Variants in SOX5 observed in about 807,000 individuals in gnomAD.
The protein encoded by SOX5 is transcription factor SOX-5.
Under a neutral mutation model 92.0 loss-of-function variants are expected in SOX5, and 9 were observed. The observed-to-expected ratio is 0.10, with a 90% confidence interval of 0.06 to 0.17. The LOEUF (loss-of-function observed/expected upper bound fraction) is 0.17, where lower values mean the gene tolerates loss of function less well. Among genes scored for constraint, SOX5 ranks in the 10% least tolerant of loss-of-function variants. SOX5 has a pLI of 1.00. For missense variants in SOX5, 642 were observed against 944.5 expected (o/e 0.68, Z 4.20); for synonymous variants, 344 against 336.3 (o/e 1.02, Z -0.25).
intron 11 of SOX5, among the ~76,000 whole-genome samples, chr12:23,559,777 T>C (rs1306428871): frequency 6.6e-6 from 1 of 152,192 alleles, no homozygotes; most frequent in African/African-American, 2.4e-5. Context: ...ATATCTTTTA[T>C]GTTGATGTAA....
chr12:23,665,486 C>G lies in SOX5; in HGVS notation c.889G>C (p.Gly297Arg). 1 of 1,613,590 alleles carries G rather than the reference C, an allele frequency of 6.2e-7. No homozygotes were observed. Among genetic ancestry groups the G allele is most frequent in the Non-Finnish European group, 8.5e-7 (1 of 1,179,644 alleles). The part of the protein sequence containing the change: ...QRTLAAAAQQ[G>R]FLLPPGFSYK... ...CTGAAGCCTGGAGGGAGGAGGAATCCTTGCTGGGCAGCTGCAGCCAGTGTC... is the reference window on the plus strand; with the variant it reads ...CTGAAGCCTGGAGGGAGGAGGAATCGTTGCTGGGCAGCTGCAGCCAGTGTC... Residue 297 changes from glycine to arginine, a missense_variant, in exon 7 of 15, where the codon GGA (glycine) becomes CGA (arginine). Transcript: ENST00000451604.
At chr12:24,186,375 C>T (rs1956016177) in intron 4 of SOX5, among the ~76,000 whole-genome samples, 1 of 152,110 alleles carries the variant, frequency 6.6e-6, no homozygotes, top group Non-Finnish European at 1.5e-5. Flanking sequence ...TTTACACAAG[C>T]CACAATCTTA....
At chr12:24,142,786 G>A (rs113219490) in intron 4 of SOX5, among the ~76,000 whole-genome samples, 1,638 of 151,202 alleles carry the variant, frequency 0.011, 41 homozygotes, top group African/African-American at 0.038. Flanking sequence ...GCTGGTAAAC[G>A]CCACCTTAGT....
intron 7 of SOX5, among the ~76,000 whole-genome samples, chr12:23,658,036 T>A (rs186205388): frequency 6.6e-6 from 1 of 152,314 alleles, no homozygotes; most frequent in East Asian, 1.9e-4. Context: ...GGTGGCAGTG[T>A]GCATATGTTG....
intron 4 of SOX5, chr12:24,212,636 G>A (rs992928665): frequency 8.3e-6 from 3 of 360,696 alleles, no homozygotes; most frequent in African/African-American, 2.2e-5. Context: ...TGAACACACA[G>A]CCATTAGCCA....
chr12:24,092,062 G>C (rs1182347018), intron 4 of SOX5, among the ~76,000 whole-genome samples: 2 of 152,250 alleles, frequency 1.3e-5, no homozygotes, highest in African/African-American at 4.8e-5. Flanking sequence ...CTTTCTCACA[G>C]TGAGCCAAAT....
At chr12:24,015,783 AAGG>A (rs1240932601) in intron 4 of SOX5, among the ~76,000 whole-genome samples, 3 of 152,166 alleles carry the variant, frequency 2.0e-5, no homozygotes, top group Non-Finnish European at 4.4e-5. Flanking sequence ...GGGCGCCCAA[AAGG>A]AGGACAGCTA....
intron 4 of SOX5, among the ~76,000 whole-genome samples, chr12:24,046,447 G>T (rs1018904241): frequency 2.6e-5 from 4 of 152,130 alleles, no homozygotes; most frequent in Non-Finnish European, 2.9e-5. Context: ...TTATCTGGCA[G>T]AAGAATTTAC....
At chr12:23,598,121 A>C (rs912943599) in intron 9 of SOX5, among the ~76,000 whole-genome samples, 4 of 152,184 alleles carry the variant, frequency 2.6e-5, no homozygotes, top group African/African-American at 9.6e-5. Context: ...GTAGTAAGCC[A>C]TGATTTGAGA....
intron 1 of SOX5, among the ~76,000 whole-genome samples, chr12:23,947,817 T>C (rs895303026): frequency 6.6e-6 from 1 of 151,440 alleles, no homozygotes; most frequent in African/African-American, 2.4e-5. Context: ...AAAATACAAA[T>C]AAAGTTCACA....
intron 4 of SOX5, among the ~76,000 whole-genome samples, chr12:23,747,754 G>A (rs541956635): frequency 6.0e-4 from 91 of 152,054 alleles, no homozygotes; most frequent in Non-Finnish European, 1.1e-3. Flanking sequence ...ATAATGCCCC[G>A]AAATGCCTCC....
chr12:23,995,270 A>C (rs1034766067), intron 4 of SOX5, among the ~76,000 whole-genome samples: 1 of 152,176 alleles, frequency 6.6e-6, no homozygotes, highest in African/African-American at 2.4e-5. Context: ...ATAGATTATG[A>C]CTCTAAATAC....
intron 4 of SOX5, among the ~76,000 whole-genome samples, chr12:24,025,309 T>C (rs916227914): frequency 1.3e-5 from 2 of 151,972 alleles, no homozygotes; most frequent in Non-Finnish European, 2.9e-5. Flanking sequence ...CTGGTAAACA[T>C]GACTTGTGTC....
At chr12:23,666,095 G>C (rs897426177) in intron 6 of SOX5, among the ~76,000 whole-genome samples, 10 of 151,578 alleles carry the variant, frequency 6.6e-5, no homozygotes, top group African/African-American at 2.2e-4. Flanking sequence ...AAAGATTACA[G>C]AATAGCTAAA....
intron 4 of SOX5, among the ~76,000 whole-genome samples, chr12:24,002,093 T>C (rs916147819): frequency 3.9e-5 from 6 of 152,088 alleles, no homozygotes; most frequent in Non-Finnish European, 8.8e-5. Flanking sequence ...AGCACTATAG[T>C]AGAAAATAAA....
At chr12:24,061,086 G>T (rs146639203) in intron 4 of SOX5, among the ~76,000 whole-genome samples, 13 of 152,038 alleles carry the variant, frequency 8.6e-5, no homozygotes, top group African/African-American at 3.1e-4. Flanking sequence ...AATTAGTAAG[G>T]ACCCAGTGAA....
intron 6 of SOX5, among the ~76,000 whole-genome samples, chr12:23,726,902 G>A (rs1026870945): frequency 6.6e-6 from 1 of 152,106 alleles, no homozygotes; most frequent in Non-Finnish European, 1.5e-5. Flanking sequence ...CAGTTTACAT[G>A]CAGATCTCTC....
intron 4 of SOX5, among the ~76,000 whole-genome samples, chr12:24,146,219 G>C (rs181068066): frequency 6.6e-6 from 1 of 152,126 alleles, no homozygotes; most frequent in African/African-American, 2.4e-5. Flanking sequence ...TATTTACAGA[G>C]TCCATATTTA....
chr12:24,058,787 T>A (rs1284251397), intron 4 of SOX5, among the ~76,000 whole-genome samples: 1 of 141,060 alleles, frequency 7.1e-6, no homozygotes, highest in African/African-American at 2.5e-5. Context: ...ATAAGCCTGT[T>A]AGTAAGTATA....
Sources: gnomAD v4.1 joint callset for allele counts (sites outside exome capture counted in the v4.1 genomes callset) on GRCh38, gnomAD v4.1.1 for gene constraint, MANE v1.5 for transcripts, NCBI Gene and HGNC (gene_info 2026-07-23, HGNC 2026-07-21) for gene names.